The following SGPP2 variants were observed in gnomAD, a reference collection of about 807,000 sequenced individuals.
SGPP2 encodes the protein sphingosine 1-phosphate phosphohydrolase 2.
Under a neutral mutation model 33.9 loss-of-function variants are expected in SGPP2, and 30 were observed. The observed-to-expected ratio is 0.89, with a 90% CI of 0.66 to 1.20. The LOEUF (loss-of-function observed/expected upper bound fraction) is 1.20. Ranked by LOEUF, SGPP2 falls within the 50% of genes most tolerant of loss-of-function variation. The probability of loss-of-function intolerance (pLI) is 0.00; values close to 1 mark genes in which losing one functional copy is unlikely to be tolerated. For missense variants in SGPP2, 458 were observed against 532.1 expected (o/e 0.86, Z 1.37); for synonymous variants, 233 against 225.0 (o/e 1.04, Z -0.32).
rs1021736008 is a variant in SGPP2, at chr2:222,493,581, C to A, written c.378+18855C>A. ...TCACTCCTAGACTACAGCAGTCCTC[C>A]CGCCTTGGCCTCCCAAAGTACTGAG... On this transcript the variant is annotated intron_variant, in intron 2 of 4. Coordinates refer to ENST00000321276, the MANE Select transcript of SGPP2 (RefSeq NM_152386.4). Among the ~76,000 whole-genome samples the A allele has an allele frequency of 2.0e-5, 3 of 152,324 alleles. No homozygotes were observed. In the East Asian group the frequency reaches 5.8e-4, roughly 29 times the overall value.
chr2:222,524,972 C>T lies in SGPP2; in HGVS notation c.587C>T (p.Ala196Val), dbSNP rs745623746. 2.4e-5 allele frequency: 38 copies of T among 1,614,020 alleles called. No individual in the cohort carries two copies. The highest frequency in any genetic ancestry group is 3.1e-5 in the Non-Finnish European group (36 of 1,179,930). ...QYPFVLGLVM[A>V]VVFSTLVCLS... is the part of the protein sequence containing the mutation. ...CCATTTGTGTTGGGACTGGTGATGG[C>T]CGTGGTGTTTTCCACCTTGGTGTGT... Residue 196 changes from alanine (A) to valine (V), a missense_variant, in exon 4 of 5, where the codon GCC becomes GTC. Physicochemically the swap from Ala to Val is moderately conservative, Grantham distance 64 (BLOSUM62 0). Coordinates refer to ENST00000321276, the MANE Select transcript of SGPP2 (RefSeq NM_152386.4).
intron 2 of SGPP2, among the ~76,000 whole-genome samples, chr2:222,514,882 T>G (rs1228836395): frequency 2.6e-5 from 4 of 152,166 alleles, no homozygotes; most frequent in Non-Finnish European, 5.9e-5. Context: ...TGAGCCCTTC[T>G]CAACTTCAAA....
At chr2:222,532,308 GAAAGA>G (rs773528875) in intron 4 of SGPP2, among the ~76,000 whole-genome samples, 5 of 151,554 alleles carry the variant, frequency 3.3e-5, no homozygotes, top group Non-Finnish European at 5.9e-5. Flanking sequence ...AAAAGAAAAT[GAAAGA>G]AAAGAAAAAA....
intron 4 of SGPP2, among the ~76,000 whole-genome samples, chr2:222,533,076 T>C (rs1202357436): frequency 6.6e-6 from 1 of 152,204 alleles, no homozygotes; most frequent in Non-Finnish European, 1.5e-5. Context: ...TATAATTTCA[T>C]GTTCTCTTAG....
chr2:222,429,530 G>A (rs1697120886), intron 1 of SGPP2, among the ~76,000 whole-genome samples: 1 of 152,222 alleles, frequency 6.6e-6, no homozygotes, highest in Admixed American at 6.5e-5. Context: ...CACACGAAGA[G>A]AAAGTTAAAT....
chr2:222,511,726 A>C (rs1384523138), intron 2 of SGPP2, among the ~76,000 whole-genome samples: 2 of 152,306 alleles, frequency 1.3e-5, no homozygotes, highest in East Asian at 3.9e-4. Context: ...TTGGTCTGTC[A>C]CCCAGGCTTG....
At chr2:222,494,376 T>C (rs1698243785) in intron 2 of SGPP2, among the ~76,000 whole-genome samples, 1 of 152,220 alleles carries the variant, frequency 6.6e-6, no homozygotes, top group Non-Finnish European at 1.5e-5. Flanking sequence ...AGCTGGACTG[T>C]AGGCGGTAGA....
In SGPP2 at chr2:222,474,558, T is replaced by A; in HGVS notation, c.220-10T>A. 1 of 1,611,842 alleles carries A rather than the reference T, an allele frequency of 6.2e-7. No homozygotes were observed. Among genetic ancestry groups the A allele is most frequent in the Non-Finnish European group, 8.5e-7 (1 of 1,178,896 alleles). On this transcript the variant is annotated splice_polypyrimidine_tract_variant and intron_variant, in intron 1 of 4. Coordinates refer to ENST00000321276, the MANE Select transcript of SGPP2 (RefSeq NM_152386.4). ...TGAACTCACAGAGTCTTCTAACTTT[T>A]GTCTTTTAGGCTTATGTACAGAAGT...
At chr2:222,432,672 A>G (rs369181208) in intron 1 of SGPP2, among the ~76,000 whole-genome samples, 8 of 152,318 alleles carry the variant, frequency 5.3e-5, no homozygotes, top group East Asian at 3.9e-4. Flanking sequence ...AAGCCTCAAG[A>G]CACAGGAAAC....
At chr2:222,539,176 A>T (rs11674691) in intron 4 of SGPP2, among the ~76,000 whole-genome samples, 44,830 of 152,078 alleles carry the variant, frequency 0.29, 7,540 homozygotes, top group Non-Finnish European at 0.38. Context: ...AAACGATGGG[A>T]TTGGGTAAAT....
At position 222,561,018 on chromosome 2, in the gene SGPP2, T is replaced by G. The variant is rs974519327; in HGVS notation, c.*2120T>G. ...TACTCAGGAGGCTGAGGCAGGAGAA[T>G]GGCGTGAACCCGGTGAGCGGAGCTT... On this transcript the variant is annotated 3_prime_UTR_variant, in exon 5 of 5. Coordinates refer to ENST00000321276, the MANE Select transcript of SGPP2 (RefSeq NM_152386.4). 6.6e-6 allele frequency: 1 copy of G among 150,460 alleles called. No homozygotes were observed. Among genetic ancestry groups the G allele is most frequent in the African/African-American group, 2.5e-5 (1 of 40,702 alleles). The allele number at this position is 150,460 out of a possible 1,614,324, so 9.3% of individuals were successfully genotyped here.
At chr2:222,443,678 G>T (rs1697358463) in intron 1 of SGPP2, among the ~76,000 whole-genome samples, 1 of 152,048 alleles carries the variant, frequency 6.6e-6, no homozygotes, top group Admixed American at 6.5e-5. Context: ...TTAACCATTG[G>T]TTTTGGTGCT....
At chr2:222,428,966 A>G (rs552255001) in intron 1 of SGPP2, among the ~76,000 whole-genome samples, 7 of 151,500 alleles carry the variant, frequency 4.6e-5, no homozygotes, top group African/African-American at 4.9e-5. Context: ...TAATTTTTGT[A>G]TTTTTAGTAG....
At chr2:222,444,350 G>A (rs1318591120) in intron 1 of SGPP2, among the ~76,000 whole-genome samples, 2 of 152,180 alleles carry the variant, frequency 1.3e-5, no homozygotes, top group Admixed American at 6.5e-5. Flanking sequence ...GTGGTCTGTG[G>A]CACCCAATCA....
chr2:222,461,779 A>C (rs903065447), intron 1 of SGPP2, among the ~76,000 whole-genome samples: 1 of 151,788 alleles, frequency 6.6e-6, no homozygotes, highest in African/African-American at 2.4e-5. Flanking sequence ...ATGTTCACTC[A>C]CCCTCCACTC....
chr2:222,482,641 A>G (rs1456198289), intron 2 of SGPP2, among the ~76,000 whole-genome samples: 1 of 152,152 alleles, frequency 6.6e-6, no homozygotes, highest in African/African-American at 2.4e-5. Flanking sequence ...GGCATCTCAA[A>G]GTGCTGGGAT....
In SGPP2 at chr2:222,556,362, C is replaced by T. The variant is rs192191026; in HGVS notation, c.649-1985C>T. On this transcript the variant is annotated intron_variant, in intron 4 of 4. Coordinates refer to ENST00000321276, the MANE Select transcript of SGPP2 (RefSeq NM_152386.4). Reference sequence around the variant, plus strand: ...GGGATGGTGGAGGGGAACTGAAGTGCGTACTGGTAAAGCCCTGGAGCCAGG... The same window carrying T: ...GGGATGGTGGAGGGGAACTGAAGTGTGTACTGGTAAAGCCCTGGAGCCAGG... Among the ~76,000 whole-genome samples, 275 of 152,028 alleles carry T rather than the reference C, an allele frequency of 1.8e-3. 1 individual carries two copies. Among genetic ancestry groups the T allele is most frequent in the Admixed American group, 0.013 (201 of 15,288 alleles).
chr2:222,444,413 G>A (rs1697369731), intron 1 of SGPP2, among the ~76,000 whole-genome samples: 1 of 152,156 alleles, frequency 6.6e-6, no homozygotes, highest in Admixed American at 6.6e-5. Context: ...TACGCTTACT[G>A]AGTTGTGGAA....
At chr2:222,473,195 A>G (rs1245349374) in intron 1 of SGPP2, among the ~76,000 whole-genome samples, 2 of 152,194 alleles carry the variant, frequency 1.3e-5, no homozygotes, top group Non-Finnish European at 2.9e-5. Context: ...AAGCAGTTTC[A>G]GATTTATTCT....
Sources: allele counts gnomAD v4.1 joint callset (sites outside exome capture counted in the v4.1 genomes callset), GRCh38; gene constraint gnomAD v4.1.1; transcripts MANE v1.5; gene names NCBI Gene and HGNC (gene_info 2026-07-23, HGNC 2026-07-21).